ZFAND6: variants seen among roughly 807,000 people sequenced by gnomAD.
ZFAND6 encodes the protein zinc finger AN1-type containing 6, also known as AN1-type zinc finger protein 6.
ZFAND6 carries 12 observed loss-of-function variants against 24.5 expected under a neutral mutation model. The ratio of observed to expected loss-of-function variants is 0.49; its 90% CI spans 0.31 to 0.79. The LOEUF (loss-of-function observed/expected upper bound fraction) is 0.79. ZFAND6 is among the 30% of genes least tolerant of loss of function. ZFAND6 has a pLI of 0.04. For missense variants in ZFAND6, 207 were observed against 245.9 expected (o/e 0.84, Z 1.06); for synonymous variants, 92 against 81.5 (o/e 1.13, Z -0.69).
intron 2 of ZFAND6, among the ~76,000 whole-genome samples, chr15:80,099,301 G>A (rs1445010320): frequency 6.6e-6 from 1 of 152,086 alleles, no homozygotes; most frequent in African/African-American, 2.4e-5. Flanking sequence ...GGATTTAGGA[G>A]TGAGACTCTT....
chr15:80,078,998 A>G (rs548215905), intron 1 of ZFAND6, among the ~76,000 whole-genome samples: 7 of 151,722 alleles, frequency 4.6e-5, no homozygotes, highest in Admixed American at 1.3e-4. Context: ...TTAATTTGTC[A>G]TTTAGCATTA....
intron 2 of ZFAND6, chr15:80,112,790 G>A (rs1460906430): frequency 2.2e-6 from 1 of 455,874 alleles, no homozygotes; most frequent in African/African-American, 2.0e-5. Context: ...AGATCCAAAG[G>A]CTCAGAACTC....
At chr15:80,117,449 C>G (rs555673454) in intron 2 of ZFAND6, among the ~76,000 whole-genome samples, 4 of 152,128 alleles carry the variant, frequency 2.6e-5, no homozygotes, top group Non-Finnish European at 5.9e-5. Context: ...GCCTCTATCT[C>G]CAGACCTCGT....
At chr15:80,060,075 G>A (rs2036239309) in intron 1 of ZFAND6, 1 of 151,734 alleles carries the variant, frequency 6.6e-6, no homozygotes, top group South Asian at 2.1e-4. Flanking sequence ...CCGCGGCCGG[G>A]GGCCGCTTCC....
chr15:80,118,016 T>TTGTGTGTGTG (rs71455308), intron 2 of ZFAND6, among the ~76,000 whole-genome samples: 13,343 of 150,296 alleles, frequency 0.089, 644 homozygotes, highest in Non-Finnish European at 0.11. Flanking sequence ...AGGTATTGAA[T>TTGTGTGTGTG]TGTGTGTGTG....
chr15:80,075,097 A>G (rs567625151), intron 1 of ZFAND6: 2 of 154,658 alleles, frequency 1.3e-5, no homozygotes, highest in African/African-American at 2.4e-5. Context: ...TATGTTTGTC[A>G]TTGTGTTTGT....
At chr15:80,090,627 G>A (rs2038299930) in intron 1 of ZFAND6, among the ~76,000 whole-genome samples, 1 of 152,116 alleles carries the variant, frequency 6.6e-6, no homozygotes. Context: ...AACTGGCAGA[G>A]CCAATGAGAC....
At chr15:80,111,466 T>C (rs1436809138) in intron 2 of ZFAND6, 1 of 454,346 alleles carries the variant, frequency 2.2e-6, no homozygotes, top group East Asian at 7.0e-5. Flanking sequence ...CAATCTGAGG[T>C]TGGTGGAGTC....
chr15:80,075,733 A>G (rs2037235271), intron 1 of ZFAND6, among the ~76,000 whole-genome samples: 1 of 152,062 alleles, frequency 6.6e-6, no homozygotes, highest in African/African-American at 2.4e-5. Context: ...TATTAATGCT[A>G]ATTTTTGAAC....
intron 1 of ZFAND6, among the ~76,000 whole-genome samples, chr15:80,065,864 T>TA (rs1008784614): frequency 6.6e-6 from 1 of 152,012 alleles, no homozygotes; most frequent in Non-Finnish European, 1.5e-5. Flanking sequence ...TTTTTTAACT[T>TA]AAAAAAATTG....
intron 2 of ZFAND6, chr15:80,115,210 ACT>A (rs1200811322): frequency 2.0e-5 from 3 of 152,124 alleles, no homozygotes; most frequent in African/African-American, 7.2e-5. Context: ...CACATAGTAA[ACT>A]CTGAATAACT....
At chr15:80,105,838 A>G (rs2039295544) in intron 2 of ZFAND6, among the ~76,000 whole-genome samples, 1 of 152,230 alleles carries the variant, frequency 6.6e-6, no homozygotes. Flanking sequence ...TTTAACTGAA[A>G]GAAAATCAGT....
intron 1 of ZFAND6, among the ~76,000 whole-genome samples, chr15:80,094,382 G>A (rs550757089): frequency 3.2e-4 from 49 of 152,248 alleles, no homozygotes; most frequent in South Asian, 1.0e-3. Context: ...GCTCATGAGA[G>A]GGATCTAGGT....
chr15:80,060,412 A>G (rs995298532), intron 1 of ZFAND6: 2 of 151,950 alleles, frequency 1.3e-5, no homozygotes, highest in Non-Finnish European at 2.9e-5. Context: ...GCTTTTTTGA[A>G]ATAGTTATAT....
intron 1 of ZFAND6, among the ~76,000 whole-genome samples, chr15:80,063,972 G>A (rs1341647703): frequency 2.0e-5 from 3 of 152,246 alleles, no homozygotes; most frequent in Non-Finnish European, 4.4e-5. Flanking sequence ...ACAGGCGTGA[G>A]CCACCATGTC....
intron 1 of ZFAND6, chr15:80,060,022 G>A (rs936022606): frequency 4.4e-4 from 67 of 151,634 alleles, no homozygotes; most frequent in African/African-American, 1.5e-3. Flanking sequence ...CCGGGGGTGG[G>A]GGCCGGAGAT....
chr15:80,081,643 C>G (rs2037677168), intron 1 of ZFAND6, among the ~76,000 whole-genome samples: 1 of 152,208 alleles, frequency 6.6e-6, no homozygotes, highest in South Asian at 2.1e-4. Flanking sequence ...AGTTGGCCAC[C>G]TATGATTGGC....
intron 2 of ZFAND6, among the ~76,000 whole-genome samples, chr15:80,105,772 A>G (rs2039291668): frequency 6.6e-6 from 1 of 152,222 alleles, no homozygotes; most frequent in East Asian, 1.9e-4. Context: ...AGTGATTTGT[A>G]GTTAAACTTC....
At chr15:80,120,057 T>TCAAAACAGATTTCTTTCTCTAG (rs1596303660) in intron 2 of ZFAND6, among the ~76,000 whole-genome samples, 2 of 152,190 alleles carry the variant, frequency 1.3e-5, no homozygotes, top group East Asian at 3.8e-4. Flanking sequence ...GGTAGAGTCT[T>TCAAAACAGATTTCTTTCTCTAG]CAAAACAGAT....
Sources: gnomAD v4.1 joint callset for allele counts (sites outside exome capture counted in the v4.1 genomes callset) on GRCh38, gnomAD v4.1.1 for gene constraint, MANE v1.5 for transcripts, NCBI Gene and HGNC (gene_info 2026-07-23, HGNC 2026-07-21) for gene names.